GPR158: variants seen among roughly 807,000 people sequenced by gnomAD.
The protein encoded by GPR158 is metabotropic glycine receptor.
A neutral mutation model predicts 78.2 loss-of-function variants in GPR158; 30 were observed. That is an observed-to-expected ratio of 0.38 (90% CI 0.29 to 0.52). GPR158 has a LOEUF of 0.52. Ranked by LOEUF, GPR158 falls within the 20% of genes least tolerant of loss-of-function variation. GPR158 has a pLI of 0.83. For missense variants in GPR158, 1,463 were observed against 1,523.5 expected (o/e 0.96, Z 0.66); for synonymous variants, 581 against 591.1 (o/e 0.98, Z 0.25).
rs112979632 is a variant in GPR158 at position 25,279,967 on chromosome 10, GAA to G, written c.1008+58822_1008+58823del. Among the ~76,000 whole-genome samples, 348 of 120,034 alleles carry G rather than the reference GAA, an allele frequency of 2.9e-3. 7 individuals carry two copies. The East Asian group carries it at 0.055, about 19-fold the overall frequency. The allele number at this position is 120,034 out of a possible 152,430, so 78.7% of individuals were successfully genotyped here. On this transcript the variant is annotated intron_variant, in intron 2 of 10. Transcript: ENST00000376351. ...AAGTTTAAAAGGTAACCATTAAAAT[GAA>G]AAAAAAAAAAAGAAAATATTATAAC...
intron 2 of GPR158, among the ~76,000 whole-genome samples, chr10:25,284,872 A>C (rs1411307751): frequency 6.6e-6 from 1 of 152,086 alleles, no homozygotes; most frequent in Non-Finnish European, 1.5e-5. Context: ...ATATAGTATA[A>C]ATACTTTATA....
At position 25,381,766 on chromosome 10, in the gene GPR158, T is replaced by C. The variant is rs182213832; in HGVS notation, c.1009-14145T>C. Among the ~76,000 whole-genome samples the C allele has an allele frequency of 2.3e-4, 35 of 152,314 alleles. No homozygotes were observed. The East Asian group carries it at 6.5e-3, about 28-fold the overall frequency. On this transcript the variant is annotated intron_variant, in intron 2 of 10. Coordinates refer to ENST00000376351, the MANE Select transcript of GPR158 (RefSeq NM_020752.3). ...CAAAGATATTATTCATATTAACTTATTTTGTTTAGCATTTTTTATTTTAAA... is the reference window on the plus strand; with the variant it reads ...CAAAGATATTATTCATATTAACTTACTTTGTTTAGCATTTTTTATTTTAAA...
chr10:25,598,843 C>T lies in GPR158; in HGVS notation c.3217C>T (p.Leu1073Phe). ...QKRIDKAEVC[L>F]WESQGQSILE... is the part of the protein sequence containing the mutation. The stretch of plus-strand genomic sequence containing the variant: ...GCGCATAGATAAGGCTGAAGTATGC[C>T]TTTGGGAGAGCCAAGGCCAGTCCAT... The change falls in exon 11 of 11, where the codon CTT becomes TTT. Residue 1073 changes from leucine to phenylalanine, a missense_variant. Transcript: ENST00000376351. 1.2e-6 allele frequency: 2 copies of T among 1,614,078 alleles called. No homozygotes were observed. The highest frequency in any genetic ancestry group is 1.7e-6 in the Non-Finnish European group (2 of 1,180,024).
At chr10:25,485,571 A>T (rs901898019) in intron 5 of GPR158, among the ~76,000 whole-genome samples, 1 of 152,146 alleles carries the variant, frequency 6.6e-6, no homozygotes, top group African/African-American at 2.4e-5. Context: ...TTAGTTTGTT[A>T]TACATTTATC....
intron 5 of GPR158, among the ~76,000 whole-genome samples, chr10:25,471,303 G>T (rs1835497870): frequency 1.3e-5 from 2 of 151,970 alleles, no homozygotes; most frequent in Admixed American, 1.3e-4. Context: ...CTTTTTTATG[G>T]CTGCATAGTA....
rs141501060 is a variant in GPR158 at position 25,229,838 on chromosome 10, T to C, written c.1008+8681T>C. 8.1e-3 allele frequency among the ~76,000 whole-genome samples: 1,233 copies of C among 152,294 alleles called. 9 individuals carry two copies. Among genetic ancestry groups the C allele is most frequent in the Middle Eastern group, 0.014 (4 of 294 alleles). On this transcript the variant is annotated intron_variant, in intron 2 of 10. Transcript: ENST00000376351. ...CCTGTACCAGGTGTCACTTTAGACA[T>C]GGTGCTTTGGCATTTCATAAAGTAA...
At chr10:25,329,372 G>A (rs1434563746) in intron 2 of GPR158, among the ~76,000 whole-genome samples, 1 of 151,830 alleles carries the variant, frequency 6.6e-6, no homozygotes. Context: ...CCCCGGGGGC[G>A]GAGCTTGCAG....
chr10:25,454,622 A>G (rs1232734974), intron 4 of GPR158, among the ~76,000 whole-genome samples: 1 of 152,176 alleles, frequency 6.6e-6, no homozygotes, highest in African/African-American at 2.4e-5. Context: ...GTAAAAGAAC[A>G]GTGATTTCAT....
chr10:25,305,675 C>A (rs565310066), intron 2 of GPR158, among the ~76,000 whole-genome samples: 1 of 152,240 alleles, frequency 6.6e-6, no homozygotes, highest in African/African-American at 2.4e-5. Flanking sequence ...TTCCCTTAAC[C>A]ATGGTTTTTA....
chr10:25,391,071 G>C (rs1488856090), intron 2 of GPR158, among the ~76,000 whole-genome samples: 1 of 152,206 alleles, frequency 6.6e-6, no homozygotes, highest in Non-Finnish European at 1.5e-5. Context: ...TTGGGCCTGT[G>C]GGTGCACAGA....
intron 2 of GPR158, among the ~76,000 whole-genome samples, chr10:25,282,681 TG>T (rs1854293921): frequency 6.6e-6 from 1 of 152,144 alleles, no homozygotes; most frequent in African/African-American, 2.4e-5. Flanking sequence ...TAGATACGTG[TG>T]TACTTCTGGT....
chr10:25,392,573 A>G (rs1248529871), intron 2 of GPR158, among the ~76,000 whole-genome samples: 1 of 152,222 alleles, frequency 6.6e-6, no homozygotes, highest in African/African-American at 2.4e-5. Flanking sequence ...TGGAGCAGCT[A>G]CCCTCATGGA....
At chr10:25,422,263 T>G (rs1834761497) in intron 4 of GPR158, among the ~76,000 whole-genome samples, 2 of 152,168 alleles carry the variant, frequency 1.3e-5, no homozygotes, top group South Asian at 4.1e-4. Flanking sequence ...CCGAAACCCC[T>G]GGGGCTGCAC....
At chr10:25,186,469 C>A (rs898824079) in intron 1 of GPR158, among the ~76,000 whole-genome samples, 11 of 152,084 alleles carry the variant, frequency 7.2e-5, no homozygotes, top group Admixed American at 6.5e-4. Flanking sequence ...AATTGATAGA[C>A]CACTAGCAAG....
chr10:25,206,751 C>G (rs1355595254), intron 1 of GPR158, among the ~76,000 whole-genome samples: 1 of 151,980 alleles, frequency 6.6e-6, no homozygotes, highest in African/African-American at 2.4e-5. Context: ...GTTTACTAGA[C>G]ATGCAGCTTT....
At chr10:25,563,056 C>CTTATAGTA (rs1345157050) in intron 6 of GPR158, among the ~76,000 whole-genome samples, 2 of 151,964 alleles carry the variant, frequency 1.3e-5, no homozygotes, top group African/African-American at 4.8e-5. Context: ...CAAATGTTAC[C>CTTATAGTA]TTATAGTATA....
chr10:25,217,610 A>G (rs1167476349), intron 1 of GPR158, among the ~76,000 whole-genome samples: 2 of 152,224 alleles, frequency 1.3e-5, no homozygotes, highest in Admixed American at 6.5e-5. Context: ...GAAGCAAGGC[A>G]GTGGCCATGC....
rs149740529 is a variant in GPR158 at position 25,525,171 on chromosome 10, T to C, written c.1405-25805T>C. On this transcript the variant is annotated intron_variant, in intron 5 of 10. Transcript: ENST00000376351. ...GTAGAGAAATTGGAAACATCATCCA[T>C]TGCTGGTAGGAATGTAAAATGGTGC... Among the ~76,000 whole-genome samples, 467 of 152,304 alleles carry C rather than the reference T, an allele frequency of 3.1e-3. 1 individual carries two copies. Among genetic ancestry groups the C allele is most frequent in the African/African-American group, 9.5e-3 (393 of 41,578 alleles).
chr10:25,182,376 T>G (rs1442484678), intron 1 of GPR158, among the ~76,000 whole-genome samples: 1 of 152,196 alleles, frequency 6.6e-6, no homozygotes, highest in African/African-American at 2.4e-5. Flanking sequence ...ATTTGGAAGC[T>G]CCCTACTTAC....
Sources: allele counts gnomAD v4.1 joint callset (sites outside exome capture counted in the v4.1 genomes callset), GRCh38; gene constraint gnomAD v4.1.1; transcripts MANE v1.5; gene names NCBI Gene and HGNC (gene_info 2026-07-23, HGNC 2026-07-21).